Variants in CDK14 observed in about 807,000 individuals in gnomAD.
The protein encoded by CDK14 is cyclin dependent kinase 14, also known as cyclin-dependent kinase 14.
A neutral mutation model predicts 60.7 loss-of-function variants in CDK14; 34 were observed. The ratio of observed to expected loss-of-function variants is 0.56; its 90% confidence interval spans 0.43 to 0.75. The LOEUF is 0.75. Ranked by LOEUF, CDK14 falls within the 30% of genes least tolerant of loss-of-function variation. The pLI, the probability that CDK14 is intolerant of heterozygous loss-of-function variation, is 0.00. For synonymous variants in CDK14, 197 were observed against 203.7 expected (o/e 0.97, Z 0.28); for missense variants, 482 against 564.1 (o/e 0.85, Z 1.47).
chr7:90,691,512 G>A (rs1801552362), intron 2 of CDK14, among the ~76,000 whole-genome samples: 1 of 152,112 alleles, frequency 6.6e-6, no homozygotes, highest in African/African-American at 2.4e-5. Context: ...GGGGAGAGTA[G>A]TAGGAATTTT....
At chr7:91,191,170 T>C (rs921099249) in intron 14 of CDK14, among the ~76,000 whole-genome samples, 2 of 152,172 alleles carry the variant, frequency 1.3e-5, no homozygotes, top group Non-Finnish European at 2.9e-5. Context: ...ACTGTAGCAT[T>C]GTGGTGTTAC....
chr7:91,067,936 T>C (rs1487503796), intron 11 of CDK14, among the ~76,000 whole-genome samples: 1 of 152,278 alleles, frequency 6.6e-6, no homozygotes. Flanking sequence ...TAGCAAATTA[T>C]TAAGCTTGCT....
intron 14 of CDK14, among the ~76,000 whole-genome samples, chr7:91,137,928 A>G (rs570368604): frequency 3.3e-5 from 5 of 152,282 alleles, no homozygotes; most frequent in Middle Eastern, 3.4e-3. Context: ...ATCTTTACCA[A>G]CATTAACACA....
chr7:91,085,791 A>G (rs1008441883), intron 12 of CDK14, among the ~76,000 whole-genome samples: 3 of 152,160 alleles, frequency 2.0e-5, no homozygotes, highest in Admixed American at 6.5e-5. Context: ...CTTTAAAATT[A>G]TGTATAAGGA....
intron 12 of CDK14, among the ~76,000 whole-genome samples, chr7:91,091,296 T>A (rs867645548): frequency 6.9e-6 from 1 of 145,166 alleles, no homozygotes; most frequent in Admixed American, 7.0e-5. Context: ...GTATATATTT[T>A]TATATATACA....
chr7:90,965,375 C>A (rs1229293959), intron 9 of CDK14, among the ~76,000 whole-genome samples: 1 of 152,168 alleles, frequency 6.6e-6, no homozygotes, highest in African/African-American at 2.4e-5. Context: ...GTATACTTTT[C>A]CCTAATTCTT....
intron 6 of CDK14, among the ~76,000 whole-genome samples, chr7:90,894,953 A>C (rs1273794996): frequency 3.9e-5 from 6 of 152,126 alleles, no homozygotes; most frequent in Non-Finnish European, 8.8e-5. Flanking sequence ...TTATTTTTAG[A>C]ATATATACAT....
rs938622190 is a variant in CDK14 at position 90,649,010 on chromosome 7, A to G, written c.123+44761A>G. ...ATATGGATAGCAAACTGTGCTGGCT[A>G]TTTAATTGTGGTTTCAACTTCAACC... On this transcript the variant is annotated intron_variant, in intron 2 of 14. Transcript: ENST00000380050. Among the ~76,000 whole-genome samples, 8 of 152,112 alleles carry G rather than the reference A, an allele frequency of 5.3e-5. No individual in the cohort carries two copies. The East Asian group carries it at 1.2e-3, about 22-fold the overall frequency.
At chr7:90,853,706 C>G (rs1790724712) in intron 5 of CDK14, among the ~76,000 whole-genome samples, 1 of 152,086 alleles carries the variant, frequency 6.6e-6, no homozygotes, top group Admixed American at 6.6e-5. Flanking sequence ...TGTTTTATCT[C>G]CAGTGCCTTG....
chr7:90,980,345 A>C (rs1391271367), intron 9 of CDK14, among the ~76,000 whole-genome samples: 1 of 152,196 alleles, frequency 6.6e-6, no homozygotes, highest in Non-Finnish European at 1.5e-5. Context: ...TCAAATTCTC[A>C]AAAGAAGGAA....
chr7:90,746,374 A>T (rs1343676389), intron 3 of CDK14, among the ~76,000 whole-genome samples: 3 of 152,208 alleles, frequency 2.0e-5, no homozygotes, highest in African/African-American at 7.2e-5. Context: ...CATTGCCCAC[A>T]TATTGTGTGT....
chr7:90,841,459 A>G (rs1451926395), intron 5 of CDK14, among the ~76,000 whole-genome samples: 1 of 152,062 alleles, frequency 6.6e-6, no homozygotes, highest in Non-Finnish European at 1.5e-5. Flanking sequence ...CTGCTCTAAA[A>G]ATAAAGTCTA....
intron 9 of CDK14, among the ~76,000 whole-genome samples, chr7:90,965,474 T>C (rs927683385): frequency 6.6e-6 from 1 of 152,210 alleles, no homozygotes; most frequent in Non-Finnish European, 1.5e-5. Flanking sequence ...CAGTAGACAC[T>C]AATAACACTT....
At chr7:90,892,504 C>T (rs527870694) in intron 6 of CDK14, among the ~76,000 whole-genome samples, 2 of 152,288 alleles carry the variant, frequency 1.3e-5, no homozygotes, top group South Asian at 4.1e-4. Flanking sequence ...TTTCAATTTT[C>T]TGTGGTCTTT....
At chr7:91,033,647 G>A (rs939682417) in intron 10 of CDK14, among the ~76,000 whole-genome samples, 5 of 152,132 alleles carry the variant, frequency 3.3e-5, no homozygotes, top group African/African-American at 1.2e-4. Flanking sequence ...CTGCTTACAG[G>A]TTTCTCCCTG....
intron 11 of CDK14, among the ~76,000 whole-genome samples, chr7:91,055,254 A>G (rs1215703539): frequency 6.6e-6 from 1 of 152,242 alleles, no homozygotes; most frequent in Non-Finnish European, 1.5e-5. Context: ...GAAACAACCA[A>G]AAACCTTGAT....
intron 5 of CDK14, among the ~76,000 whole-genome samples, chr7:90,852,784 T>A (rs3802029): frequency 2.0e-5 from 3 of 152,020 alleles, no homozygotes; most frequent in African/African-American, 4.8e-5. Flanking sequence ...TGAGGTGAAC[T>A]TAGGTGCTCA....
chr7:90,891,440 A>G (rs1792122521), intron 6 of CDK14, among the ~76,000 whole-genome samples: 1 of 152,244 alleles, frequency 6.6e-6, no homozygotes, highest in South Asian at 2.1e-4. Flanking sequence ...CACATAAACT[A>G]TGCCTACCTA....
intron 2 of CDK14, among the ~76,000 whole-genome samples, chr7:90,639,030 A>T (rs1475924582): frequency 1.3e-5 from 2 of 151,996 alleles, no homozygotes; most frequent in African/African-American, 4.8e-5. Flanking sequence ...TTATACATTC[A>T]TCTAAATTTT....
Sources: gnomAD v4.1 joint callset for allele counts (sites outside exome capture counted in the v4.1 genomes callset) on GRCh38, gnomAD v4.1.1 for gene constraint, MANE v1.5 for transcripts, NCBI Gene and HGNC (gene_info 2026-07-23, HGNC 2026-07-21) for gene names.